DIP2B: variants seen among roughly 807,000 people sequenced by gnomAD.
DIP2B encodes the protein disco-interacting protein 2 homolog B.
A neutral mutation model predicts 198.0 loss-of-function variants in DIP2B; 76 were observed. The observed-to-expected ratio is 0.38, with a 90% CI of 0.32 to 0.46. The LOEUF is 0.46. Among genes scored for constraint, DIP2B ranks in the 20% least tolerant of loss-of-function variants. The probability of loss-of-function intolerance (pLI) is 0.99; values close to 1 mark genes in which losing one functional copy is unlikely to be tolerated. For missense variants in DIP2B, 1,559 were observed against 1,978.4 expected (o/e 0.79, Z 4.02); for synonymous variants, 701 against 739.1 (o/e 0.95, Z 0.84).
intron 1 of DIP2B, among the ~76,000 whole-genome samples, chr12:50,516,641 C>G (rs571609089): frequency 3.9e-5 from 6 of 151,938 alleles, no homozygotes; most frequent in African/African-American, 1.4e-4. Flanking sequence ...AGTAACTTAC[C>G]AAAGTCAAAA....
chr12:50,722,632 C>T (rs1414447970), intron 26 of DIP2B, among the ~76,000 whole-genome samples: 3 of 152,146 alleles, frequency 2.0e-5, no homozygotes, highest in African/African-American at 7.2e-5. Context: ...AAGCAGTCCC[C>T]ACCATTACAT....
chr12:50,535,622 C>T (rs537614609), intron 1 of DIP2B, among the ~76,000 whole-genome samples: 2 of 151,826 alleles, frequency 1.3e-5, no homozygotes, highest in African/African-American at 2.4e-5. Context: ...CCTCCTGCCT[C>T]GGTCTCCCAA....
At position 50,685,936 on chromosome 12, in the gene DIP2B, G is replaced by T; in HGVS notation, c.1421G>T (p.Gly474Val). The T allele has an allele frequency of 6.2e-7, 1 of 1,613,794 alleles. No homozygotes were observed. The highest frequency in any genetic ancestry group is 1.1e-5 in the South Asian group (1 of 91,030). The change falls in exon 11 of 38, where the codon GGA becomes GTA. Residue 474 changes from glycine to valine, a missense_variant. Coordinates refer to ENST00000301180, the MANE Select transcript of DIP2B (RefSeq NM_173602.3). ...AAAGGACTGCCAAAAACCCAGAATG[G>T]AGAAATTGTACAGTTTAAAGGTTAG... ...CLKGLPKTQN[G>V]EIVQFKGWPR...
intron 1 of DIP2B, among the ~76,000 whole-genome samples, chr12:50,554,865 T>C (rs1252525172): frequency 6.6e-6 from 1 of 151,504 alleles, no homozygotes; most frequent in Non-Finnish European, 1.5e-5. Flanking sequence ...CCTCCCAGGT[T>C]CAAGTGATTC....
chr12:50,598,393 T>G (rs1352052320), intron 1 of DIP2B, among the ~76,000 whole-genome samples: 1 of 151,970 alleles, frequency 6.6e-6, no homozygotes, highest in Non-Finnish European at 1.5e-5. Context: ...TGCCTTCTGT[T>G]CCTCCCTCAC....
intron 3 of DIP2B, among the ~76,000 whole-genome samples, chr12:50,644,944 CAGT>C (rs1938324548): frequency 6.6e-6 from 1 of 152,128 alleles, no homozygotes; most frequent in Non-Finnish European, 1.5e-5. Context: ...GTTACTTTCT[CAGT>C]AGAAGTGATT....
intron 36 of DIP2B, 137 bp downstream of exon 36, chr12:50,739,723 C>G (rs911107162): frequency 2.7e-6 from 3 of 1,104,372 alleles, no homozygotes; most frequent in Non-Finnish European, 3.8e-6. Context: ...ATAAGTGACT[C>G]TCTCTTCATT....
chr12:50,639,625 G>A (rs553904413), intron 2 of DIP2B, among the ~76,000 whole-genome samples: 14 of 150,494 alleles, frequency 9.3e-5, no homozygotes, highest in Admixed American at 9.3e-4. Context: ...TTGCTTTATA[G>A]GCTGATTCTC....
chr12:50,607,869 C>G (rs886780021), intron 1 of DIP2B, among the ~76,000 whole-genome samples: 1 of 152,228 alleles, frequency 6.6e-6, no homozygotes, highest in Non-Finnish European at 1.5e-5. Context: ...TCTCGGCTCA[C>G]TGCAACCTCT....
chr12:50,561,612 G>A (rs2139397995), intron 1 of DIP2B, among the ~76,000 whole-genome samples: 1 of 150,204 alleles, frequency 6.7e-6, no homozygotes, highest in South Asian at 2.1e-4. Context: ...TAAATTTGTT[G>A]TATTATTGAT....
At chr12:50,633,242 T>C (rs990925409) in intron 2 of DIP2B, 1 of 152,222 alleles carries the variant, frequency 6.6e-6, no homozygotes, top group African/African-American at 2.4e-5. Flanking sequence ...AATGCAATTT[T>C]GAAGAAAATA....
At chr12:50,719,914 T>C (rs906723238) in intron 25 of DIP2B, among the ~76,000 whole-genome samples, 9 of 147,566 alleles carry the variant, frequency 6.1e-5, no homozygotes, top group African/African-American at 2.2e-4. Context: ...TATATAAATA[T>C]ATATAAAGAA....
At position 50,685,835 on chromosome 12, in the gene DIP2B, T is replaced by C. The variant is rs562298851; in HGVS notation, c.1320T>C (p.Asp440=). ...VPIEVPLTRK[D]AGGQQIGFLL... The stretch of plus-strand genomic sequence containing the variant: ...TGTTCATTATCATTTCTCCACAGGA[T>C]GCTGGAGGTCAGCAGATTGGCTTCT... The change falls in exon 11 of 38, where the codon GAT becomes GAC. Residue 440 remains aspartate (D), a splice_region_variant and synonymous_variant. Coordinates refer to ENST00000301180, the MANE Select transcript of DIP2B (RefSeq NM_173602.3). 6.2e-7 allele frequency: 1 copy of C among 1,613,564 alleles called. No individual in the cohort carries two copies. Among genetic ancestry groups the C allele is most frequent in the East Asian group, 2.2e-5 (1 of 44,850 alleles).
intron 1 of DIP2B, among the ~76,000 whole-genome samples, chr12:50,516,453 T>A (rs747436247): frequency 6.6e-6 from 1 of 151,994 alleles, no homozygotes; most frequent in Non-Finnish European, 1.5e-5. Context: ...GGGGTCTCGT[T>A]ATGTTTCCCA....
At chr12:50,736,890 C>G in intron 34 of DIP2B, 146 bp from the exon 35 acceptor site, 1 of 669,240 alleles carries the variant, frequency 1.5e-6, no homozygotes, top group South Asian at 1.8e-5. Flanking sequence ...TGCCATGATC[C>G]CCTCAGGGTA....
chr12:50,747,991 T>C lies in DIP2B; in HGVS notation c.*3152T>C, dbSNP rs566358657. 6.5e-6 allele frequency: 1 copy of C among 152,806 alleles called. No homozygotes were observed. Among genetic ancestry groups the C allele is most frequent in the South Asian group, 2.1e-4 (1 of 4,824 alleles). 9.5% of individuals were successfully genotyped at this position (152,806 alleles called of 1,614,324 possible). On this transcript the variant is annotated 3_prime_UTR_variant, in exon 38 of 38. Coordinates refer to ENST00000301180, the MANE Select transcript of DIP2B (RefSeq NM_173602.3). ...AGTACCAAGTCCTTTCCTCATGAAGTTGTGTTGCCTCAGGCTGTTTAGGGA... is the reference window on the plus strand; with the variant it reads ...AGTACCAAGTCCTTTCCTCATGAAGCTGTGTTGCCTCAGGCTGTTTAGGGA...
intron 1 of DIP2B, among the ~76,000 whole-genome samples, chr12:50,561,747 A>G (rs1958521017): frequency 6.6e-6 from 1 of 152,176 alleles, no homozygotes; most frequent in Non-Finnish European, 1.5e-5. Flanking sequence ...AGCTGGGATT[A>G]CAGGCGTGTG....
At chr12:50,733,767 A>G (rs1940089711) in intron 32 of DIP2B, among the ~76,000 whole-genome samples, 1 of 152,222 alleles carries the variant, frequency 6.6e-6, no homozygotes, top group South Asian at 2.1e-4. Flanking sequence ...GATAGCACAC[A>G]TGGGTGGATT....
rs377474302 is a variant in DIP2B at position 50,521,916 on chromosome 12, T to G, written c.100+16676T>G. Among the ~76,000 whole-genome samples the G allele has an allele frequency of 1.1e-3, 173 of 152,170 alleles. 1 individual carries two copies. Among genetic ancestry groups the G allele is most frequent in the South Asian group, 7.3e-3 (35 of 4,820 alleles). On this transcript the variant is annotated intron_variant, in intron 1 of 37. Transcript: ENST00000301180. ...CCTTGGCCTCCCAGAGTGTTGAGAT[T>G]ACAGGCATGAGCCACCACGCCCAGC...
Sources: gnomAD v4.1 joint callset for allele counts (sites outside exome capture counted in the v4.1 genomes callset) on GRCh38, gnomAD v4.1.1 for gene constraint, MANE v1.5 for transcripts, NCBI Gene and HGNC (gene_info 2026-07-23, HGNC 2026-07-21) for gene names.